PALM2AKAP2: variants seen among roughly 807,000 people sequenced by gnomAD.
PALM2AKAP2 encodes PALM2-AKAP2 fusion protein.
Under a neutral mutation model 71.5 loss-of-function variants are expected in PALM2AKAP2, and 37 were observed. The observed-to-expected ratio is 0.52, with a 90% CI of 0.40 to 0.68. The LOEUF (loss-of-function observed/expected upper bound fraction) is 0.68, where lower values mean the gene tolerates loss of function less well. Ranked by LOEUF, PALM2AKAP2 falls within the 30% of genes least tolerant of loss-of-function variation. PALM2AKAP2 has a pLI of 0.00. For synonymous variants in PALM2AKAP2, 468 were observed against 478.8 expected (o/e 0.98, Z 0.29); for missense variants, 1,224 against 1,191.8 (o/e 1.03, Z -0.40).
At position 109,925,042 on chromosome 9, in the gene PALM2AKAP2, CTTGTTT is replaced by C. The variant is rs760516499; in HGVS notation, c.373-13_373-8del. On this transcript the variant is annotated splice_polypyrimidine_tract_variant and intron_variant, in intron 4 of 9. Transcript: ENST00000302798. ...CCCCACATGTAGAGTAACGCTCTGC[CTTGTTT>C]TTGTTCCTACAGGGTTTCTCCAGTA... 5.6e-6 allele frequency: 9 copies of C among 1,613,942 alleles called. No individual in the cohort carries two copies. The African/African-American group carries it at 1.2e-4, about 22-fold the overall frequency.
chr9:109,780,202 C>T, upstream of PALM2AKAP2: 1 of 902,860 alleles, frequency 1.1e-6, no homozygotes, highest in Non-Finnish European at 1.3e-6. Flanking sequence ...GCCGGCGTCC[C>T]ACGTCCTCGG....
intron 1 of PALM2AKAP2, among the ~76,000 whole-genome samples, chr9:109,825,240 C>T (rs1210654277): frequency 6.6e-6 from 1 of 152,188 alleles, no homozygotes; most frequent in East Asian, 1.9e-4. Context: ...AAATGTTAGA[C>T]CTAAAACCAT....
intron 2 of PALM2AKAP2, among the ~76,000 whole-genome samples, chr9:110,144,351 G>A (rs1342300107): frequency 6.6e-6 from 1 of 152,224 alleles, no homozygotes; most frequent in Non-Finnish European, 1.5e-5. Flanking sequence ...GATGGTTATT[G>A]TCCACCACCA....
At chr9:109,839,569 T>A (rs1274249613) in intron 1 of PALM2AKAP2, among the ~76,000 whole-genome samples, 2 of 152,184 alleles carry the variant, frequency 1.3e-5, no homozygotes, top group Non-Finnish European at 2.9e-5. Context: ...TAAAGGGTAT[T>A]CAATTAGGAA....
chr9:109,724,539 G>C (rs1399876400), intron 1 of PALM2AKAP2, among the ~76,000 whole-genome samples: 6 of 152,132 alleles, frequency 3.9e-5, no homozygotes. Flanking sequence ...CAGGAACACA[G>C]AAATTGAACA....
intron 3 of PALM2AKAP2, among the ~76,000 whole-genome samples, chr9:109,917,145 A>C (rs1381035365): frequency 1.3e-5 from 2 of 152,206 alleles, no homozygotes; most frequent in African/African-American, 4.8e-5. Flanking sequence ...GGTCAGAGAG[A>C]TGCAACAGTG....
At chr9:109,959,335 T>C (rs1056245416) in intron 6 of PALM2AKAP2, among the ~76,000 whole-genome samples, 3 of 152,072 alleles carry the variant, frequency 2.0e-5, no homozygotes, top group Admixed American at 6.6e-5. Flanking sequence ...TAATACACCA[T>C]AGAGAGTTGT....
At chr9:109,751,236 C>G (rs1295981509) in intron 1 of PALM2AKAP2, among the ~76,000 whole-genome samples, 1 of 152,084 alleles carries the variant, frequency 6.6e-6, no homozygotes, top group African/African-American at 2.4e-5. Flanking sequence ...CCCTAAATAT[C>G]CATAAGGGAA....
At chr9:109,914,787 A>G (rs1350203214) in intron 3 of PALM2AKAP2, among the ~76,000 whole-genome samples, 1 of 152,204 alleles carries the variant, frequency 6.6e-6, no homozygotes, top group Admixed American at 6.5e-5. Context: ...GTCTCTCAAT[A>G]GTGAGTTATT....
chr9:110,072,058 C>CA (rs1361127622), intron 1 of PALM2AKAP2, among the ~76,000 whole-genome samples: 2 of 152,012 alleles, frequency 1.3e-5, no homozygotes, highest in African/African-American at 4.8e-5. Flanking sequence ...TTTTCCTTCC[C>CA]AAAATTTTTC....
rs534196385 is a variant in PALM2AKAP2 at position 109,744,156 on chromosome 9, T to A, written c.6-36332T>A. On this transcript the variant is annotated intron_variant, in intron 1 of 6. Coordinates refer to the PALM2AKAP2 transcript ENST00000374531. ...AGAACTGAATAATGATTGGAGAGGATAAACTGGAAATCTCTCTCAGAATGC... is the reference window on the plus strand; with the variant it reads ...AGAACTGAATAATGATTGGAGAGGAAAAACTGGAAATCTCTCTCAGAATGC... Among the ~76,000 whole-genome samples, 44 of 152,260 alleles carry A rather than the reference T, an allele frequency of 2.9e-4. 1 individual carries two copies. Among genetic ancestry groups the A allele is most frequent in the Admixed American group, 2.6e-3 (39 of 15,284 alleles).
At chr9:110,043,320 T>C (rs1469223059) in intron 7 of PALM2AKAP2, among the ~76,000 whole-genome samples, 1 of 152,238 alleles carries the variant, frequency 6.6e-6, no homozygotes, top group East Asian at 1.9e-4. Flanking sequence ...TTTGGCCCTC[T>C]CTGTGATCTG....
At chr9:110,007,393 G>T (rs1341880626) in intron 6 of PALM2AKAP2, among the ~76,000 whole-genome samples, 1 of 152,150 alleles carries the variant, frequency 6.6e-6, no homozygotes, top group East Asian at 1.9e-4. Context: ...TCAGCATCTT[G>T]TATCTCTCAA....
At chr9:109,656,068 C>T (rs1365372569) in intron 1 of PALM2AKAP2, among the ~76,000 whole-genome samples, 2 of 152,176 alleles carry the variant, frequency 1.3e-5, no homozygotes, top group East Asian at 3.8e-4. Context: ...ATAAGCAATT[C>T]TAGATACCAA....
chr9:109,833,471 G>C lies in PALM2AKAP2; in HGVS notation c.46-34020G>C, dbSNP rs543536447. On this transcript the variant is annotated intron_variant, in intron 1 of 9. Coordinates refer to the PALM2AKAP2 transcript ENST00000302798. ...TGGCCATGGTGTGTGTTGGCATGGA[G>C]CTCCCAGTCCAGCTAAGAATACCCT... Among the ~76,000 whole-genome samples, 12 of 152,308 alleles carry C rather than the reference G, an allele frequency of 7.9e-5. No individual in the cohort carries two copies. The South Asian group carries it at 2.3e-3, about 29-fold the overall frequency.
chr9:109,686,329 A>T (rs1291464305), intron 1 of PALM2AKAP2, among the ~76,000 whole-genome samples: 1 of 152,230 alleles, frequency 6.6e-6, no homozygotes, highest in African/African-American at 2.4e-5. Context: ...TGTGACAGTT[A>T]TAGCCTTATA....
intron 6 of PALM2AKAP2, among the ~76,000 whole-genome samples, chr9:109,940,063 G>C (rs1228428111): frequency 6.6e-6 from 1 of 152,126 alleles, no homozygotes; most frequent in Non-Finnish European, 1.5e-5. Flanking sequence ...ATTATACAAA[G>C]TATTTGTTAC....
At chr9:110,137,473 G>A in exon 2 of PALM2AKAP2, 1 of 1,614,126 alleles carries the variant, frequency 6.2e-7, no homozygotes, top group South Asian at 1.1e-5. Context: ...CAGCCTCTCA[G>A]GGGAAGGAAG....
chr9:109,956,822 C>G (rs899532305), intron 6 of PALM2AKAP2, among the ~76,000 whole-genome samples: 1 of 152,194 alleles, frequency 6.6e-6, no homozygotes, highest in African/African-American at 2.4e-5. Flanking sequence ...AACTTTCTTG[C>G]TATGTGAGTC....
Sources: allele counts gnomAD v4.1 joint callset (sites outside exome capture counted in the v4.1 genomes callset), GRCh38; gene constraint gnomAD v4.1.1; transcripts MANE v1.5; gene names NCBI Gene and HGNC (gene_info 2026-07-23, HGNC 2026-07-21).